ANKS1B: variants seen among roughly 807,000 people sequenced by gnomAD.
ANKS1B encodes ankyrin repeat and sterile alpha motif domain containing 1B, also known as ankyrin repeat and sterile alpha motif domain-containing protein 1B.
In ANKS1B, 36 loss-of-function variants were observed where a neutral mutation model predicts 148.3. The observed-to-expected ratio is 0.24, with a 90% CI of 0.19 to 0.32. ANKS1B has a LOEUF of 0.32. ANKS1B is among the 10% of genes least tolerant of loss of function. The probability of loss-of-function intolerance (pLI) is 1.00; values close to 1 mark genes in which losing one functional copy is unlikely to be tolerated. For missense variants in ANKS1B, 1,157 were observed against 1,542.6 expected, an observed-to-expected ratio of 0.75 and a Z score of 4.19; for synonymous variants, 542 against 560.8, an observed-to-expected ratio of 0.97 and a Z score of 0.47.
chr12:99,536,670 T>C (rs1567299939), intron 9 of ANKS1B, among the ~76,000 whole-genome samples: 1 of 152,204 alleles, frequency 6.6e-6, no homozygotes, highest in Non-Finnish European at 1.5e-5. Context: ...ATAGGGTACA[T>C]GGGATGTTTT....
chr12:99,417,142 T>A (rs1484541055), intron 11 of ANKS1B, among the ~76,000 whole-genome samples: 1 of 152,264 alleles, frequency 6.6e-6, no homozygotes, highest in Non-Finnish European at 1.5e-5. Context: ...TTTGTCTAAC[T>A]CTAGATCCCA....
chr12:98,867,294 T>G (rs169301), intron 17 of ANKS1B, among the ~76,000 whole-genome samples: 31,331 of 152,076 alleles, frequency 0.21, 3,978 homozygotes, highest in East Asian at 0.49. Flanking sequence ...CCTAATCTCT[T>G]TTGTACTTTA....
rs148777481 is a variant in ANKS1B at position 99,459,508 on chromosome 12, C to T, written c.1439-15699G>A. Among the ~76,000 whole-genome samples the T allele has an allele frequency of 1.3e-3, 200 of 152,076 alleles. 1 individual carries two copies. The East Asian group carries it at 0.033, about 25-fold the overall frequency. ...ATGACATGATCACATACCTAGGAAA[C>T]CCTAAAGGCTTATACAAAAAGTTCC... On this transcript the variant is annotated intron_variant, in intron 10 of 26. Transcript: ENST00000683438.
intron 10 of ANKS1B, among the ~76,000 whole-genome samples, chr12:99,447,654 G>A (rs115564634): frequency 1.2e-4 from 18 of 152,132 alleles, no homozygotes; most frequent in African/African-American, 4.1e-4. Flanking sequence ...CCAATGAAGA[G>A]AGTGAAGAAA....
At chr12:99,214,615 C>T (rs1042543305) in intron 14 of ANKS1B, among the ~76,000 whole-genome samples, 4 of 152,130 alleles carry the variant, frequency 2.6e-5, no homozygotes, top group African/African-American at 7.2e-5. Flanking sequence ...GTCCATGAAA[C>T]CTCTTTTGCT....
chr12:99,191,546 G>T (rs2080703484), intron 14 of ANKS1B, among the ~76,000 whole-genome samples: 1 of 152,130 alleles, frequency 6.6e-6, no homozygotes, highest in Non-Finnish European at 1.5e-5. Context: ...CCTTTGCAGG[G>T]ACATGGATGA....
intron 14 of ANKS1B, among the ~76,000 whole-genome samples, chr12:99,212,340 G>A (rs1195384807): frequency 7.2e-6 from 1 of 139,542 alleles, no homozygotes; most frequent in Non-Finnish European, 1.5e-5. Flanking sequence ...ACTTTTCCAT[G>A]CCTTTACACG....
chr12:99,954,747 GTGTA>G (rs2095288111), intron 1 of ANKS1B, among the ~76,000 whole-genome samples: 1 of 152,102 alleles, frequency 6.6e-6, no homozygotes, highest in African/African-American at 2.4e-5. Context: ...GGCATCCAGT[GTGTA>G]CAGGCCAGGG....
intron 14 of ANKS1B, among the ~76,000 whole-genome samples, chr12:99,188,782 A>C (rs1236468546): frequency 6.6e-6 from 1 of 152,218 alleles, no homozygotes; most frequent in Non-Finnish European, 1.5e-5. Context: ...CACAATTAAA[A>C]GAACTAGAGA....
At chr12:98,749,047 A>T (rs570034605) in intron 26 of ANKS1B, among the ~76,000 whole-genome samples, 1 of 152,262 alleles carries the variant, frequency 6.6e-6, no homozygotes, top group South Asian at 2.1e-4. Flanking sequence ...AACACCTGCT[A>T]TGGGCCTGGT....
At chr12:99,811,169 G>A (rs1010693822) in intron 3 of ANKS1B, among the ~76,000 whole-genome samples, 10 of 151,878 alleles carry the variant, frequency 6.6e-5, no homozygotes, top group Admixed American at 3.9e-4. Flanking sequence ...GAAAAAATAT[G>A]TATTTTTCTT....
intron 8 of ANKS1B, among the ~76,000 whole-genome samples, chr12:99,713,378 T>A (rs1235407818): frequency 2.0e-5 from 3 of 152,174 alleles, no homozygotes; most frequent in Non-Finnish European, 2.9e-5. Flanking sequence ...AGACTGAGAA[T>A]TTCCTAAATT....
At chr12:98,896,865 C>CCAAT (rs2099765403) in intron 17 of ANKS1B, among the ~76,000 whole-genome samples, 1 of 152,108 alleles carries the variant, frequency 6.6e-6, no homozygotes, top group Non-Finnish European at 1.5e-5. Context: ...TCTTGGTTTC[C>CCAAT]CAATCATGAG....
chr12:98,945,014 C>T (rs1326043296), intron 17 of ANKS1B, among the ~76,000 whole-genome samples: 3 of 152,130 alleles, frequency 2.0e-5, no homozygotes, highest in Non-Finnish European at 2.9e-5. Flanking sequence ...TCTCCTATCC[C>T]CCACTGCTTT....
chr12:99,140,262 A>G (rs1048982926), intron 15 of ANKS1B, among the ~76,000 whole-genome samples: 1 of 152,180 alleles, frequency 6.6e-6, no homozygotes, highest in Non-Finnish European at 1.5e-5. Context: ...TTGAGTGTCC[A>G]TGTAGTCAAC....
intron 14 of ANKS1B, among the ~76,000 whole-genome samples, chr12:99,200,637 T>C (rs959921122): frequency 3.3e-5 from 5 of 152,090 alleles, no homozygotes; most frequent in African/African-American, 1.2e-4. Context: ...TCTTCAGGGG[T>C]GGTTTCAGAA....
chr12:98,804,868 T>C (rs560306224), intron 20 of ANKS1B, among the ~76,000 whole-genome samples: 3 of 152,330 alleles, frequency 2.0e-5, no homozygotes, highest in African/African-American at 7.2e-5. Flanking sequence ...TTTTTAAATT[T>C]AGTAATTTTC....
chr12:99,115,061 C>T (rs12317542), intron 15 of ANKS1B, among the ~76,000 whole-genome samples: 62 of 152,178 alleles, frequency 4.1e-4, no homozygotes, highest in African/African-American at 1.3e-3. Flanking sequence ...GAAAGCAGTA[C>T]GGTAATTCCT....
rs1399694039 is a variant in ANKS1B, at chr12:99,348,039, T to C, written c.1756+51592A>G. Among the ~76,000 whole-genome samples, 7 of 152,030 alleles carry C rather than the reference T, an allele frequency of 4.6e-5. No homozygotes were observed. The South Asian group carries it at 6.2e-4, about 14-fold the overall frequency. Reference sequence around the variant, plus strand: ...ATTCTGGAGCTGAAATGTACAAGTATAATACTGAAATAAAAAAATCTCTAG... The same window carrying C: ...ATTCTGGAGCTGAAATGTACAAGTACAATACTGAAATAAAAAAATCTCTAG... On this transcript the variant is annotated intron_variant, in intron 12 of 26. Coordinates refer to ENST00000683438, the MANE Select transcript of ANKS1B (RefSeq NM_001352186.2).
Sources: gnomAD v4.1 joint callset for allele counts (sites outside exome capture counted in the v4.1 genomes callset) on GRCh38, gnomAD v4.1.1 for gene constraint, MANE v1.5 for transcripts, NCBI Gene and HGNC (gene_info 2026-07-23, HGNC 2026-07-21) for gene names.